Variants in GCC2 observed in about 807,000 individuals in gnomAD.
The protein encoded by GCC2 is GRIP and coiled-coil domain-containing protein 2.
GCC2 carries 120 observed loss-of-function variants against 210.6 expected under a neutral mutation model. The observed-to-expected ratio is 0.57, with a 90% CI of 0.49 to 0.66. The LOEUF (loss-of-function observed/expected upper bound fraction) is 0.66, where lower values mean the gene tolerates loss of function less well. Among genes scored for constraint, GCC2 ranks in the 30% least tolerant of loss-of-function variants. GCC2 has a pLI of 0.00. For missense variants in GCC2, 1,868 were observed against 1,871.9 expected (o/e 1.00, Z 0.04); for synonymous variants, 703 against 652.7 (o/e 1.08, Z -1.17).
At chr2:108,451,519 C>T (rs2683798) in intron 3 of GCC2, among the ~76,000 whole-genome samples, 92,363 of 151,976 alleles carry the variant, frequency 0.61, 28,739 homozygotes, top group East Asian at 0.96. Context: ...CTTCCATTTA[C>T]AGATATTGAA....
intron 15 of GCC2, among the ~76,000 whole-genome samples, chr2:108,486,160 A>G (rs1682130633): frequency 6.6e-6 from 1 of 152,196 alleles, no homozygotes; most frequent in Non-Finnish European, 1.5e-5. Context: ...CCTGCATCTG[A>G]ACTAAATGCT....
Position 108,470,277 on chromosome 2 carries a change from T to A in GCC2, c.948T>A (p.Cys316Ter), listed in dbSNP as rs1477025570. The change falls in exon 6 of 23, where the codon TGT becomes TGA. Residue 316 changes from cysteine to a stop codon, truncating the protein, a stop_gained. Coordinates refer to ENST00000309863, the MANE Select transcript of GCC2 (RefSeq NM_181453.4). LOFTEE classifies it high-confidence loss of function. ...TSNANQDNQI[C>*]SILLQENTFV... ...ATGCAAACCAAGACAATCAGATATG[T>A]TCTATTCTCTTGCAAGAAAATACAT... is the stretch of plus-strand genomic sequence containing the variant. The A allele has an allele frequency of 6.2e-7, 1 of 1,613,344 alleles. No individual in the cohort carries two copies. Among genetic ancestry groups the A allele is most frequent in the African/African-American group, 1.3e-5 (1 of 74,904 alleles).
intron 2 of GCC2, 104 bp downstream of exon 2, chr2:108,449,793 A>G (rs1679818627): frequency 4.9e-6 from 4 of 813,090 alleles, no homozygotes; most frequent in Non-Finnish European, 8.1e-6. Flanking sequence ...TTTTTTTTTA[A>G]TAGCCTTGCT....
chr2:108,453,225 C>T lies in GCC2; in HGVS notation c.216+759C>T, dbSNP rs1468594250. 2.6e-5 allele frequency among the ~76,000 whole-genome samples: 4 copies of T among 152,280 alleles called. No individual in the cohort carries two copies. The South Asian group carries it at 6.2e-4, about 24-fold the overall frequency. ...GCTTCCCTTGGTTAGACCAGTGGCA[C>T]CACAGTTTTTTATACCTTTTGACTT... is the stretch of plus-strand genomic sequence containing the variant. On this transcript the variant is annotated intron_variant, in intron 4 of 22. Transcript: ENST00000309863.
At chr2:108,452,861 T>C (rs982962548) in intron 4 of GCC2, among the ~76,000 whole-genome samples, 16 of 152,152 alleles carry the variant, frequency 1.1e-4, no homozygotes, top group Admixed American at 2.6e-4. Flanking sequence ...ACCCAGTTAA[T>C]TTTTGTATTT....
intron 22 of GCC2, among the ~76,000 whole-genome samples, chr2:108,504,454 C>G (rs765013739): frequency 1.1e-4 from 17 of 152,180 alleles, no homozygotes; most frequent in Non-Finnish European, 2.1e-4. Context: ...ATGAGCTGCT[C>G]AGAGTAGCGT....
In GCC2 at chr2:108,452,468, T is replaced by C. The variant is rs750659434; in HGVS notation, c.216+2T>C. 5 of 1,499,078 alleles carry C rather than the reference T, an allele frequency of 3.3e-6. No homozygotes were observed. The highest frequency in any genetic ancestry group is 2.3e-5 in the South Asian group (2 of 88,232). The allele number at this position is 1,499,078 out of a possible 1,614,324, so 92.9% of individuals were successfully genotyped here. A position where few individuals can be genotyped will look rare whatever the true frequency, so the allele number is the denominator to read the frequency against. On this transcript the variant is annotated splice_donor_variant, in intron 4 of 22. Coordinates refer to ENST00000309863, the MANE Select transcript of GCC2 (RefSeq NM_181453.4). LOFTEE classifies it high-confidence loss of function. ...GAAGGAACTGGTGATATTATTAAGGTAATTATTACGTTGGGAAATGTCTAA... is the reference window on the plus strand; with the variant it reads ...GAAGGAACTGGTGATATTATTAAGGCAATTATTACGTTGGGAAATGTCTAA...
At chr2:108,457,447 CAG>C (rs1468675915) in intron 4 of GCC2, among the ~76,000 whole-genome samples, 1 of 151,954 alleles carries the variant, frequency 6.6e-6, no homozygotes, top group Non-Finnish European at 1.5e-5. Flanking sequence ...TTTTTTAACT[CAG>C]AATTTCTTTA....
chr2:108,471,253 G>C lies in GCC2; in HGVS notation c.1924G>C (p.Glu642Gln). The C allele has an allele frequency of 6.2e-7, 1 of 1,609,236 alleles. No homozygotes were observed. Among genetic ancestry groups the C allele is most frequent in the Non-Finnish European group, 8.5e-7 (1 of 1,178,648 alleles). Residue 642 changes from glutamate to glutamine, a missense_variant, in exon 6 of 23, where the codon GAA (glutamate) becomes CAA (glutamine). This residue lies in a region of GCC2 where 1,847 missense variants were observed against 1,765.2 expected (regional missense o/e 1.05). Coordinates refer to ENST00000309863, the MANE Select transcript of GCC2 (RefSeq NM_181453.4). The part of the protein sequence containing the change: ...EQTIQYNSEL[E>Q]QKVNELTGGL... Reference sequence around the variant, plus strand: ...AACAATCCAGTACAACAGTGAACTAGAACAAAAGGTAAATGAATTAACAGG... The same window carrying C: ...AACAATCCAGTACAACAGTGAACTACAACAAAAGGTAAATGAATTAACAGG...
At chr2:108,454,567 C>G (rs1417111211) in intron 4 of GCC2, among the ~76,000 whole-genome samples, 2 of 152,170 alleles carry the variant, frequency 1.3e-5, no homozygotes, top group African/African-American at 2.4e-5. Flanking sequence ...TCCATGATAG[C>G]CACAGTACAA....
intron 9 of GCC2, 126 bp from the exon 10 acceptor site, chr2:108,481,571 G>T (rs951148355): frequency 4.1e-5 from 26 of 632,508 alleles, no homozygotes; most frequent in Non-Finnish European, 6.4e-5. Context: ...TAGGTATTCT[G>T]TTCAACTTGG....
intron 4 of GCC2, among the ~76,000 whole-genome samples, chr2:108,460,110 C>CCTT (rs1680487220): frequency 2.0e-5 from 3 of 152,112 alleles, no homozygotes; most frequent in African/African-American, 7.2e-5. Flanking sequence ...CTCAGCTTTC[C>CCTT]AAAGTGCTGG....
intron 21 of GCC2, among the ~76,000 whole-genome samples, chr2:108,498,875 G>A (rs1366494565): frequency 6.6e-6 from 1 of 151,326 alleles, no homozygotes; most frequent in African/African-American, 2.4e-5. Flanking sequence ...GTTCCCCTCA[G>A]CCCATTTTCA....
At chr2:108,475,362 C>T in intron 7 of GCC2, 173 bp from the exon 8 acceptor site, 1 of 431,518 alleles carries the variant, frequency 2.3e-6, no homozygotes, top group Non-Finnish European at 4.1e-6. Flanking sequence ...CATTGTTTGT[C>T]TCACATAATG....
intron 4 of GCC2, among the ~76,000 whole-genome samples, chr2:108,459,239 C>T (rs1316029361): frequency 3.3e-5 from 5 of 152,110 alleles, no homozygotes; most frequent in Non-Finnish European, 4.4e-5. Flanking sequence ...TCCTTATTGA[C>T]CCATGGTCAT....
intron 4 of GCC2, among the ~76,000 whole-genome samples, chr2:108,463,010 T>A (rs972602509): frequency 6.6e-6 from 1 of 152,168 alleles, no homozygotes; most frequent in African/African-American, 2.4e-5. Flanking sequence ...TGTTTTTTAT[T>A]CTATGAATTC....
intron 4 of GCC2, among the ~76,000 whole-genome samples, chr2:108,466,757 C>G (rs2718712): frequency 0.19 from 28,817 of 152,002 alleles, 3,090 homozygotes; most frequent in African/African-American, 0.27. Flanking sequence ...CAGGCATGAG[C>G]TACCTGCACC....
intron 4 of GCC2, among the ~76,000 whole-genome samples, chr2:108,455,597 A>G (rs997805693): frequency 6.6e-6 from 1 of 151,334 alleles, no homozygotes; most frequent in Admixed American, 6.6e-5. Flanking sequence ...AAATCAGAGT[A>G]TTTACTATCC....
At chr2:108,500,112 C>T (rs1186671196) in intron 22 of GCC2, among the ~76,000 whole-genome samples, 8 of 151,446 alleles carry the variant, frequency 5.3e-5, no homozygotes, top group South Asian at 2.1e-4. Context: ...TTCTACTTCA[C>T]GCCTCTTCCT....
Sources: gnomAD v4.1 joint callset for allele counts (sites outside exome capture counted in the v4.1 genomes callset) on GRCh38, gnomAD v4.1.1 for gene constraint, gnomAD v4.1.1 regional missense constraint, MANE v1.5 for transcripts, NCBI Gene and HGNC (gene_info 2026-07-23, HGNC 2026-07-21) for gene names.